CACNB4: variants seen among roughly 807,000 people sequenced by gnomAD.
CACNB4 encodes calcium voltage-gated channel auxiliary subunit beta 4.
CACNB4 carries 32 observed loss-of-function variants against 71.2 expected under a neutral mutation model. The observed-to-expected ratio is 0.45, with a 90% CI of 0.34 to 0.60. The LOEUF (loss-of-function observed/expected upper bound fraction) is 0.60. Ranked by LOEUF, CACNB4 falls within the 20% of genes least tolerant of loss-of-function variation. The pLI, the probability that CACNB4 is intolerant of heterozygous loss-of-function variation, is 0.01. For missense variants in CACNB4, 464 were observed against 647.9 expected (o/e 0.72, Z 3.08); for synonymous variants, 231 against 236.9 (o/e 0.97, Z 0.23).
intron 2 of CACNB4, among the ~76,000 whole-genome samples, chr2:152,044,190 C>T (rs1685018382): frequency 6.6e-6 from 1 of 152,180 alleles, no homozygotes; most frequent in Middle Eastern, 3.2e-3. Context: ...CACAAATGCA[C>T]TTCTTTTAAA....
In CACNB4 at chr2:151,871,010, A is replaced by G. The variant is rs1018056939; in HGVS notation, c.599-149T>C. On this transcript the variant is annotated intron_variant, in intron 6 of 13. Coordinates refer to ENST00000539935, the MANE Select transcript of CACNB4 (RefSeq NM_000726.5). ...CCCACTTTGGAGAACCTGCCTTATG[A>G]TTTCATTCTGGACACGTCAATTTTG... 4 of 631,256 alleles carry G rather than the reference A, an allele frequency of 6.3e-6. No homozygotes were observed. The African/African-American group carries it at 7.4e-5, about 12-fold the overall frequency. 39.1% of individuals were successfully genotyped at this position (631,256 alleles called of 1,614,324 possible). A position where few individuals can be genotyped will look rare whatever the true frequency, so the allele number is the denominator to read the frequency against.
intron 6 of CACNB4, 117 bp downstream of exon 6, chr2:151,872,300 G>A (rs1365332521): frequency 6.1e-6 from 4 of 651,830 alleles, no homozygotes; most frequent in African/African-American, 3.7e-5. Context: ...ATTAATTAGA[G>A]AATCTTTAAA....
intron 2 of CACNB4, among the ~76,000 whole-genome samples, chr2:152,090,952 G>T (rs781585587): frequency 6.6e-6 from 1 of 151,658 alleles, no homozygotes; most frequent in African/African-American, 2.4e-5. Flanking sequence ...GCTGACGCAG[G>T]AGAATTGCTT....
At chr2:152,040,700 C>A (rs976525241) in intron 2 of CACNB4, among the ~76,000 whole-genome samples, 8 of 152,200 alleles carry the variant, frequency 5.3e-5, no homozygotes. Context: ...CTCGGCCTCC[C>A]AAAGTGCTAG....
chr2:151,996,940 A>T (rs1682079392), intron 2 of CACNB4, among the ~76,000 whole-genome samples: 1 of 150,512 alleles, frequency 6.6e-6, no homozygotes, highest in African/African-American at 2.4e-5. Context: ...GAAAAAAAAT[A>T]ACACAAACCT....
chr2:151,886,424 T>TAA (rs1435389672), intron 2 of CACNB4, among the ~76,000 whole-genome samples: 2 of 152,214 alleles, frequency 1.3e-5, no homozygotes, highest in Admixed American at 6.5e-5. Flanking sequence ...GAAAGTACCT[T>TAA]AACAACTTTT....
Position 152,078,341 on chromosome 2 carries a change from C to T in CACNB4, c.147+19989G>A, listed in dbSNP as rs147268301. On this transcript the variant is annotated intron_variant, in intron 2 of 13. Coordinates refer to ENST00000539935, the MANE Select transcript of CACNB4 (RefSeq NM_000726.5). ...ATCCCCTCACCTCATCAAAGCATCT[C>T]CAAATATGTCGACTACCAAAGACAA... 6.1e-3 allele frequency among the ~76,000 whole-genome samples: 934 copies of T among 152,242 alleles called. 18 individuals carry two copies. Among genetic ancestry groups the T allele is most frequent in the African/African-American group, 0.021 (860 of 41,546 alleles).
At chr2:151,852,546 T>C (rs1179211214) in intron 12 of CACNB4, 1 of 152,202 alleles carries the variant, frequency 6.6e-6, no homozygotes, top group Non-Finnish European at 1.5e-5. Context: ...TTACCACATA[T>C]TCACTCACTC....
At chr2:151,983,675 T>TCTCACACACACACA (rs35313966) in intron 2 of CACNB4, among the ~76,000 whole-genome samples, 2,464 of 141,484 alleles carry the variant, frequency 0.017, 37 homozygotes, top group East Asian at 0.051. Context: ...TAAACTTTGG[T>TCTCACACACACACA]CACACACACA....
At chr2:152,060,862 T>C (rs1685973137) in intron 2 of CACNB4, among the ~76,000 whole-genome samples, 1 of 152,164 alleles carries the variant, frequency 6.6e-6, no homozygotes, top group Non-Finnish European at 1.5e-5. Context: ...AAAAAAAGCA[T>C]TGTCTATATC....
chr2:152,011,757 A>G (rs1683069321), intron 2 of CACNB4, among the ~76,000 whole-genome samples: 1 of 152,174 alleles, frequency 6.6e-6, no homozygotes, highest in East Asian at 1.9e-4. Context: ...AGTGGACAGA[A>G]CATCCTAATA....
intron 2 of CACNB4, among the ~76,000 whole-genome samples, chr2:152,054,808 C>T (rs1685641645): frequency 6.6e-6 from 1 of 152,090 alleles, no homozygotes; most frequent in South Asian, 2.1e-4. Flanking sequence ...AATTGCATTT[C>T]CTCCTGGTGA....
chr2:151,893,009 T>C (rs937026723), intron 2 of CACNB4, among the ~76,000 whole-genome samples: 1 of 152,140 alleles, frequency 6.6e-6, no homozygotes, highest in African/African-American at 2.4e-5. Flanking sequence ...AAAGGAAGAA[T>C]AAAAGAGAAT....
intron 9 of CACNB4, chr2:151,868,738 G>A (rs1205508685): frequency 6.7e-6 from 1 of 150,178 alleles, no homozygotes; most frequent in African/African-American, 2.5e-5. Context: ...TTCTTTTGAG[G>A]AAATTCAGTA....
At chr2:151,945,520 T>A (rs2099865331) in intron 2 of CACNB4, among the ~76,000 whole-genome samples, 1 of 151,974 alleles carries the variant, frequency 6.6e-6, no homozygotes. Context: ...GGTGTGGTGG[T>A]GTGTGCCATA....
intron 12 of CACNB4, among the ~76,000 whole-genome samples, chr2:151,845,023 T>A (rs138440584): frequency 6.6e-6 from 1 of 152,352 alleles, no homozygotes; most frequent in Admixed American, 6.5e-5. Flanking sequence ...ACAGCCAGGA[T>A]TGCAAAGCCC....
intron 2 of CACNB4, among the ~76,000 whole-genome samples, chr2:152,072,690 G>A (rs1014046999): frequency 1.3e-5 from 2 of 151,546 alleles, no homozygotes; most frequent in Non-Finnish European, 2.9e-5. Context: ...GTCCAGGTTG[G>A]AGTGCAGTGG....
chr2:151,976,892 G>A (rs186293927), intron 2 of CACNB4, among the ~76,000 whole-genome samples: 2 of 152,306 alleles, frequency 1.3e-5, no homozygotes, highest in East Asian at 3.9e-4. Flanking sequence ...ATTCCAGCAA[G>A]TTCAAGTTCC....
intron 2 of CACNB4, among the ~76,000 whole-genome samples, chr2:151,941,082 C>A (rs1268118183): frequency 1.3e-5 from 2 of 152,068 alleles, no homozygotes; most frequent in South Asian, 4.1e-4. Flanking sequence ...AAGTAAAAAA[C>A]TGGCTATGTT....
Sources: gnomAD v4.1 joint callset for allele counts (sites outside exome capture counted in the v4.1 genomes callset) on GRCh38, gnomAD v4.1.1 for gene constraint, MANE v1.5 for transcripts, NCBI Gene and HGNC (gene_info 2026-07-23, HGNC 2026-07-21) for gene names.